Variants in CDC42BPA observed in about 807,000 individuals in gnomAD.
CDC42BPA encodes serine/threonine-protein kinase MRCK alpha.
In CDC42BPA, 80 loss-of-function variants were observed where a neutral mutation model predicts 223.5. The ratio of observed to expected loss-of-function variants is 0.36; its 90% CI spans 0.30 to 0.43. The LOEUF is 0.43. Ranked by LOEUF, CDC42BPA falls within the 20% of genes least tolerant of loss-of-function variation. The probability of loss-of-function intolerance (pLI) is 1.00; values close to 1 mark genes in which losing one functional copy is unlikely to be tolerated. For missense variants in CDC42BPA, 1,743 were observed against 2,099.9 expected, an observed-to-expected ratio of 0.83 and a Z score of 3.32; for synonymous variants, 694 against 718.6, an observed-to-expected ratio of 0.97 and a Z score of 0.55.
chr1:227,028,074 G>A (rs1352439723), intron 30 of CDC42BPA, among the ~76,000 whole-genome samples: 1 of 148,320 alleles, frequency 6.7e-6, no homozygotes, highest in East Asian at 2.0e-4. Flanking sequence ...GGGCTGTGAC[G>A]ATACCACTGT....
intron 10 of CDC42BPA, 142 bp downstream of exon 10, chr1:227,139,434 G>A: frequency 2.0e-6 from 1 of 490,194 alleles, no homozygotes; most frequent in Non-Finnish European, 3.5e-6. Flanking sequence ...GTATTATGCT[G>A]TGTTCTGCAT....
In CDC42BPA at chr1:227,197,538, G is replaced by T. The variant is rs762664542; in HGVS notation, c.450+2019C>A. ...AAATGTTAATCCTAATGTCAAATAC[G>T]AAGAATGCAAATAAAACTAAACAAG... On this transcript the variant is annotated intron_variant, in intron 4 of 36. Transcript: ENST00000366766. Among the ~76,000 whole-genome samples, 3 of 152,140 alleles carry T rather than the reference G, an allele frequency of 2.0e-5. No homozygotes were observed. In the East Asian group the frequency reaches 5.8e-4, roughly 29 times the overall value.
chr1:227,205,027 G>C (rs1017145918), intron 3 of CDC42BPA, among the ~76,000 whole-genome samples: 4 of 152,084 alleles, frequency 2.6e-5, no homozygotes, highest in Non-Finnish European at 5.9e-5. Context: ...GGGGGGCTGA[G>C]GCAGATGGAT....
At chr1:227,005,246 A>C in intron 34 of CDC42BPA, 135 bp from the exon 35 acceptor site, 1 of 661,052 alleles carries the variant, frequency 1.5e-6, no homozygotes, top group Non-Finnish European at 2.7e-6. Flanking sequence ...GGAATGGCAG[A>C]TTATATAGTC....
At chr1:227,233,608 A>G (rs1678440064) in intron 2 of CDC42BPA, among the ~76,000 whole-genome samples, 3 of 152,112 alleles carry the variant, frequency 2.0e-5, no homozygotes, top group Admixed American at 6.5e-5. Context: ...CAAGACCCCA[A>G]CAATTTTTAA....
At chr1:227,146,379 T>G (rs927642091) in intron 7 of CDC42BPA, among the ~76,000 whole-genome samples, 2 of 152,124 alleles carry the variant, frequency 1.3e-5, no homozygotes, top group Non-Finnish European at 2.9e-5. Context: ...TTTACAACCC[T>G]GCTGCTATTT....
At chr1:227,165,069 T>G (rs1380846516) in intron 5 of CDC42BPA, among the ~76,000 whole-genome samples, 1 of 152,148 alleles carries the variant, frequency 6.6e-6, no homozygotes, top group Non-Finnish European at 1.5e-5. Flanking sequence ...CTGAATTAAA[T>G]GCAATACTAT....
chr1:227,063,036 T>C (rs1013233234), intron 21 of CDC42BPA, among the ~76,000 whole-genome samples: 3 of 152,204 alleles, frequency 2.0e-5, no homozygotes, highest in Non-Finnish European at 4.4e-5. Context: ...ATAATGATAC[T>C]ATCACCACAG....
chr1:227,125,895 C>T (rs1414541877), intron 11 of CDC42BPA, among the ~76,000 whole-genome samples: 1 of 152,076 alleles, frequency 6.6e-6, no homozygotes, highest in Non-Finnish European at 1.5e-5. Context: ...TAAAATAAAT[C>T]ATAAATTTAT....
intron 1 of CDC42BPA, among the ~76,000 whole-genome samples, chr1:227,291,220 T>C (rs1024544686): frequency 6.6e-6 from 1 of 152,054 alleles, no homozygotes; most frequent in African/African-American, 2.4e-5. Context: ...GTTGCTCCGG[T>C]GCCATCTGAT....
At chr1:227,275,629 T>C (rs1686826953) in intron 1 of CDC42BPA, among the ~76,000 whole-genome samples, 1 of 149,604 alleles carries the variant, frequency 6.7e-6, no homozygotes, top group African/African-American at 2.5e-5. Context: ...TCTCCCACTT[T>C]CCATGGTCTC....
At chr1:227,229,579 C>T (rs146974576) in intron 2 of CDC42BPA, among the ~76,000 whole-genome samples, 1 of 152,146 alleles carries the variant, frequency 6.6e-6, no homozygotes, top group African/African-American at 2.4e-5. Context: ...TGCACTGTAT[C>T]TGTAGATCAA....
chr1:227,222,807 C>T (rs2147878398), intron 2 of CDC42BPA, among the ~76,000 whole-genome samples: 1 of 152,340 alleles, frequency 6.6e-6, no homozygotes, highest in East Asian at 1.9e-4. Flanking sequence ...CCCGCGGATA[C>T]ATGTTAAATA....
intron 2 of CDC42BPA, among the ~76,000 whole-genome samples, chr1:227,245,187 C>T (rs1416221386): frequency 6.6e-6 from 1 of 152,156 alleles, no homozygotes; most frequent in Non-Finnish European, 1.5e-5. Flanking sequence ...GCTGTCCATC[C>T]CCCAACCCAG....
In CDC42BPA at chr1:226,991,762, T is replaced by G. The variant is rs1358865671; in HGVS notation, c.*2506A>C. Reference sequence around the variant, plus strand: ...CATAGCAGTGGAGCTAGACTTTAGGTAGGGTTATTATTTTGATCTTAAAAG... The same window carrying G: ...CATAGCAGTGGAGCTAGACTTTAGGGAGGGTTATTATTTTGATCTTAAAAG... On this transcript the variant is annotated 3_prime_UTR_variant, in exon 37 of 37. Transcript: ENST00000366766. The G allele has an allele frequency of 6.6e-6, 1 of 151,754 alleles. No individual in the cohort carries two copies. The highest frequency in any genetic ancestry group is 6.6e-5 in the Admixed American group (1 of 15,196). 9.4% of individuals were successfully genotyped at this position (151,754 alleles called of 1,614,324 possible). A position where few individuals can be genotyped will look rare whatever the true frequency, so the allele number is the denominator to read the frequency against.
At chr1:227,250,531 T>C (rs1374231700) in intron 2 of CDC42BPA, among the ~76,000 whole-genome samples, 1 of 151,982 alleles carries the variant, frequency 6.6e-6, no homozygotes, top group Non-Finnish European at 1.5e-5. Flanking sequence ...TATGGTCAAA[T>C]GGCATAACAA....
At chr1:227,284,395 T>C (rs977919998) in intron 1 of CDC42BPA, among the ~76,000 whole-genome samples, 1 of 152,204 alleles carries the variant, frequency 6.6e-6, no homozygotes, top group African/African-American at 2.4e-5. Flanking sequence ...TCAAAGATTA[T>C]GTTATAAATA....
intron 34 of CDC42BPA, among the ~76,000 whole-genome samples, chr1:227,015,587 G>A: frequency 6.6e-6 from 1 of 152,008 alleles, no homozygotes. Flanking sequence ...AACTGACCAG[G>A]TAACATGTTT....
intron 23 of CDC42BPA, among the ~76,000 whole-genome samples, chr1:227,042,887 GTTCTT>G (rs950051740): frequency 1.3e-5 from 2 of 152,106 alleles, no homozygotes; most frequent in Non-Finnish European, 2.9e-5. Flanking sequence ...ATTAGAAAGA[GTTCTT>G]TTCTACTCTG....
Sources: gnomAD v4.1 joint callset for allele counts (sites outside exome capture counted in the v4.1 genomes callset) on GRCh38, gnomAD v4.1.1 for gene constraint, MANE v1.5 for transcripts, NCBI Gene and HGNC (gene_info 2026-07-23, HGNC 2026-07-21) for gene names.